The following NKAIN3 variants were observed in gnomAD, a reference collection of about 807,000 sequenced individuals.
NKAIN3 encodes sodium/potassium transporting ATPase interacting 3.
In NKAIN3, 25 loss-of-function variants were observed where a neutral mutation model predicts 30.2. The observed-to-expected ratio is 0.83, with a 90% CI of 0.60 to 1.16. The LOEUF (loss-of-function observed/expected upper bound fraction) is 1.16, where lower values mean the gene tolerates loss of function less well. NKAIN3 is among the 50% of genes most tolerant of loss of function. NKAIN3 has a pLI of 0.00. For synonymous variants in NKAIN3, 91 were observed against 89.6 expected, an observed-to-expected ratio of 1.02 and a Z score of -0.09; for missense variants, 225 against 254.1, an observed-to-expected ratio of 0.89 and a Z score of 0.78.
chr8:62,614,344 CA>C (rs1811383151), intron 3 of NKAIN3, among the ~76,000 whole-genome samples: 1 of 151,826 alleles, frequency 6.6e-6, no homozygotes, highest in African/African-American at 2.4e-5. Flanking sequence ...TTACTTTCTC[CA>C]AAACATACAG....
At chr8:62,565,967 A>G (rs1045664812) in intron 1 of NKAIN3, among the ~76,000 whole-genome samples, 10 of 152,146 alleles carry the variant, frequency 6.6e-5, no homozygotes, top group African/African-American at 2.2e-4. Flanking sequence ...TAGGTACTCA[A>G]AGTACACTTT....
rs535226951 is a variant in NKAIN3 at position 62,321,283 on chromosome 8, C to T, written c.54+72156C>T. ...CTTCTTTGCCATGGGTTCGAACTTC[C>T]TCCTTTAGCTCAGAGAAGTTTGATC... On this transcript the variant is annotated intron_variant, in intron 1 of 6. Transcript: ENST00000623646. 2.0e-5 allele frequency among the ~76,000 whole-genome samples: 3 copies of T among 152,216 alleles called. No individual in the cohort carries two copies. The South Asian group carries it at 6.2e-4, about 32-fold the overall frequency.
At chr8:62,525,345 T>C (rs1011258123) in intron 1 of NKAIN3, among the ~76,000 whole-genome samples, 1 of 152,158 alleles carries the variant, frequency 6.6e-6, no homozygotes, top group Non-Finnish European at 1.5e-5. Context: ...AAGGAAAGGA[T>C]ATCAGAAGGA....
chr8:62,599,144 C>A (rs1810918468), intron 3 of NKAIN3, among the ~76,000 whole-genome samples: 1 of 152,078 alleles, frequency 6.6e-6, no homozygotes, highest in Admixed American at 6.6e-5. Flanking sequence ...ATGCCTCTTG[C>A]ATATTATGGG....
intron 1 of NKAIN3, among the ~76,000 whole-genome samples, chr8:62,345,301 A>G (rs943129819): frequency 5.9e-5 from 8 of 135,984 alleles, no homozygotes; most frequent in Middle Eastern, 3.8e-3. Context: ...ACACACATAT[A>G]TATGTATATA....
At chr8:62,694,150 T>C (rs1814078760) in intron 3 of NKAIN3, among the ~76,000 whole-genome samples, 1 of 152,154 alleles carries the variant, frequency 6.6e-6, no homozygotes. Context: ...ATAGTCTTTC[T>C]ACTATACTAT....
At chr8:62,893,722 C>A (rs1049987422) in intron 4 of NKAIN3, among the ~76,000 whole-genome samples, 7 of 152,176 alleles carry the variant, frequency 4.6e-5, no homozygotes, top group South Asian at 2.1e-4. Context: ...ATATATATAA[C>A]TGGGAAGGTA....
rs188068770 is a variant in NKAIN3 at position 62,315,148 on chromosome 8, C to T, written c.54+66021C>T. Among the ~76,000 whole-genome samples, 430 of 152,296 alleles carry T rather than the reference C, an allele frequency of 2.8e-3. 2 individuals are homozygous for T. The highest frequency in any genetic ancestry group is 4.4e-3 in the Non-Finnish European group (296 of 68,026). On this transcript the variant is annotated intron_variant, in intron 1 of 6. Coordinates refer to ENST00000623646, the MANE Select transcript of NKAIN3 (RefSeq NM_001304533.3). ...TAGCAAATCCATTTTAGCACATTAT[C>T]TAAGTTACAGCTATGGGTTAATTGT...
At chr8:62,755,950 A>C (rs1490995220) in intron 4 of NKAIN3, among the ~76,000 whole-genome samples, 1 of 152,134 alleles carries the variant, frequency 6.6e-6, no homozygotes. Context: ...GCCAGGGTAC[A>C]CCTGGTCAGT....
chr8:62,423,353 C>T (rs1804705188), intron 1 of NKAIN3, among the ~76,000 whole-genome samples: 2 of 151,242 alleles, frequency 1.3e-5, no homozygotes, highest in Non-Finnish European at 2.9e-5. Flanking sequence ...TGCTGTTTCT[C>T]AAGTTCTTCA....
At chr8:62,533,556 T>C (rs1808554888) in intron 1 of NKAIN3, among the ~76,000 whole-genome samples, 1 of 152,198 alleles carries the variant, frequency 6.6e-6, no homozygotes, top group African/African-American at 2.4e-5. Context: ...AGAACATGAA[T>C]TACATTTGGG....
chr8:62,451,992 A>G (rs1343391959), intron 1 of NKAIN3, among the ~76,000 whole-genome samples: 1 of 152,174 alleles, frequency 6.6e-6, no homozygotes, highest in East Asian at 1.9e-4. Context: ...GTAGTTGTAA[A>G]TGTTTGAACA....
intron 1 of NKAIN3, among the ~76,000 whole-genome samples, chr8:62,423,127 T>C (rs1804696232): frequency 6.6e-6 from 1 of 152,022 alleles, no homozygotes; most frequent in Non-Finnish European, 1.5e-5. Context: ...ATCACTTTTG[T>C]TTATATCCAC....
chr8:62,851,601 G>C (rs1444666453), intron 4 of NKAIN3, among the ~76,000 whole-genome samples: 5 of 152,076 alleles, frequency 3.3e-5, no homozygotes, highest in Admixed American at 1.3e-4. Context: ...GTTTGTCATA[G>C]ATAGCTCTTA....
intron 1 of NKAIN3, among the ~76,000 whole-genome samples, chr8:62,277,694 G>A (rs1813010372): frequency 6.6e-6 from 1 of 152,178 alleles, no homozygotes; most frequent in African/African-American, 2.4e-5. Context: ...GTTAAGGTAA[G>A]TTCAGATGGA....
intron 1 of NKAIN3, among the ~76,000 whole-genome samples, chr8:62,485,754 A>T (rs927181825): frequency 4.6e-5 from 7 of 152,196 alleles, no homozygotes; most frequent in Middle Eastern, 6.3e-3. Context: ...TCTAAACCGG[A>T]CAATGATCCT....
At chr8:62,356,748 T>G (rs370146042) in intron 1 of NKAIN3, among the ~76,000 whole-genome samples, 1 of 152,136 alleles carries the variant, frequency 6.6e-6, no homozygotes, top group African/African-American at 2.4e-5. Flanking sequence ...CTTCCAGTGG[T>G]TGACATTTGC....
chr8:62,500,677 C>A (rs1050852979), intron 1 of NKAIN3, among the ~76,000 whole-genome samples: 5 of 152,026 alleles, frequency 3.3e-5, no homozygotes, highest in Admixed American at 1.3e-4. Context: ...GTATTTGACA[C>A]CTTTGTGGAG....
At chr8:62,573,675 C>G (rs1810017339) in intron 1 of NKAIN3, among the ~76,000 whole-genome samples, 1 of 151,902 alleles carries the variant, frequency 6.6e-6, no homozygotes, top group Admixed American at 6.6e-5. Flanking sequence ...TTCCACTGTT[C>G]TTTTTTTAAG....
Sources: gnomAD v4.1 joint callset for allele counts (sites outside exome capture counted in the v4.1 genomes callset) on GRCh38, gnomAD v4.1.1 for gene constraint, MANE v1.5 for transcripts, NCBI Gene and HGNC (gene_info 2026-07-23, HGNC 2026-07-21) for gene names.